The following GRAMD1C variants were observed in gnomAD, a reference collection of about 807,000 sequenced individuals.
The protein encoded by GRAMD1C is GRAM domain containing 1C, also known as protein Aster-C.
GRAMD1C carries 89 observed loss-of-function variants against 97.8 expected under a neutral mutation model. The observed-to-expected ratio is 0.91, with a 90% confidence interval of 0.77 to 1.09. GRAMD1C has a LOEUF of 1.09. GRAMD1C is among the 50% of genes least tolerant of loss of function. The pLI is 0.00. For synonymous variants in GRAMD1C, 256 were observed against 267.0 expected, an observed-to-expected ratio of 0.96 and a Z score of 0.40; for missense variants, 740 against 766.4, an observed-to-expected ratio of 0.97 and a Z score of 0.41.
At chr3:113,848,243 C>G (rs986614735) in intron 2 of GRAMD1C, among the ~76,000 whole-genome samples, 9 of 152,292 alleles carry the variant, frequency 5.9e-5, no homozygotes, top group Admixed American at 5.2e-4. Flanking sequence ...GTTGCATAAC[C>G]TGTCTCACCT....
At chr3:113,885,160 C>G (rs1490678311) in intron 6 of GRAMD1C, 3 of 607,456 alleles carry the variant, frequency 4.9e-6, no homozygotes, top group Non-Finnish European at 8.7e-6. Context: ...CTGAGCCGCC[C>G]GCTCCGTGCC....
rs1226795971 is a variant in GRAMD1C, at chr3:113,875,568, T to A, written c.344T>A (p.Ile115Asn). The change falls in exon 4 of 18, where the codon ATC (isoleucine) becomes AAC (asparagine). Residue 115 changes from isoleucine to asparagine, a missense_variant. Ile to Asn is a moderately radical substitution (Grantham distance 149, BLOSUM62 -3). Transcript: ENST00000358160. ...AACTGGCTATGTTTCTATAGCAACA[T>A]CTTCAGATGGGAAACTACAGTAAGA... ...SENWLCFYSN[I>N]FRWETTISIA... 6.9e-7 allele frequency: 1 copy of A among 1,455,184 alleles called. No homozygotes were observed. Among genetic ancestry groups the A allele is most frequent in the Non-Finnish European group, 9.7e-7 (1 of 1,033,956 alleles). The allele number at this position is 1,455,184 out of a possible 1,614,324, so 90.1% of individuals were successfully genotyped here.
chr3:113,932,396 G>A (rs879511638), intron 11 of GRAMD1C, among the ~76,000 whole-genome samples: 4 of 152,168 alleles, frequency 2.6e-5, no homozygotes, highest in Non-Finnish European at 4.4e-5. Flanking sequence ...GGTAGAAAAG[G>A]TATGGTTAAA....
intron 10 of GRAMD1C, chr3:113,920,187 A>G: frequency 7.4e-7 from 1 of 1,351,852 alleles, no homozygotes; most frequent in Non-Finnish European, 1.0e-6. Context: ...TCTGCTCAAC[A>G]GCCTGAAATG....
At chr3:113,906,347 G>C (rs576462506) in intron 8 of GRAMD1C, among the ~76,000 whole-genome samples, 1 of 152,052 alleles carries the variant, frequency 6.6e-6, no homozygotes, top group Non-Finnish European at 1.5e-5. Context: ...CCTTCTAGTC[G>C]TACAAAATGT....
intron 6 of GRAMD1C, chr3:113,890,550 T>G: frequency 1.9e-6 from 1 of 522,672 alleles, no homozygotes; most frequent in Non-Finnish European, 3.4e-6. Flanking sequence ...GTCATTACCG[T>G]GGGGTGCTCT....
chr3:113,890,124 C>T (rs1935659718), intron 6 of GRAMD1C, among the ~76,000 whole-genome samples: 1 of 152,146 alleles, frequency 6.6e-6, no homozygotes, highest in African/African-American at 2.4e-5. Context: ...AATGCTTTCA[C>T]TTTACTGGAG....
rs1938038836 is a variant in GRAMD1C, at chr3:113,945,686, T to C, written c.*208T>C. The C allele has an allele frequency of 1.0e-5, 5 of 493,980 alleles. No individual in the cohort carries two copies. Among genetic ancestry groups the C allele is most frequent in the South Asian group, 8.3e-5 (3 of 36,354 alleles). The allele number at this position is 493,980 out of a possible 1,614,324, so 30.6% of individuals were successfully genotyped here. A position where few individuals can be genotyped will look rare whatever the true frequency, so the allele number is the denominator to read the frequency against. On this transcript the variant is annotated 3_prime_UTR_variant, in exon 18 of 18. Transcript: ENST00000358160. Reference sequence around the variant, plus strand: ...TCCATCCTTTCACTTCTTATAGATATTTTTAAGCTGTGAATTTCTTCAGTG... The same window carrying C: ...TCCATCCTTTCACTTCTTATAGATACTTTTAAGCTGTGAATTTCTTCAGTG...
At chr3:113,880,545 GTTTC>G (rs1935216679) in intron 5 of GRAMD1C, among the ~76,000 whole-genome samples, 1 of 151,986 alleles carries the variant, frequency 6.6e-6, no homozygotes, top group African/African-American at 2.4e-5. Flanking sequence ...TTTACAGTTA[GTTTC>G]TTTCTAATAT....
At chr3:113,856,042 C>G (rs573425409) in intron 2 of GRAMD1C, among the ~76,000 whole-genome samples, 1 of 152,046 alleles carries the variant, frequency 6.6e-6, no homozygotes, top group Non-Finnish European at 1.5e-5. Context: ...GCACGTGCCA[C>G]CAGCTAAGCT....
chr3:113,837,425 T>C (rs1263070499), upstream of GRAMD1C, among the ~76,000 whole-genome samples: 1 of 152,136 alleles, frequency 6.6e-6, no homozygotes, highest in Non-Finnish European at 1.5e-5. Context: ...TCCAAGGTGG[T>C]TGGGGTACAG....
At chr3:113,908,213 T>A (rs1466678725) in intron 8 of GRAMD1C, among the ~76,000 whole-genome samples, 1 of 152,212 alleles carries the variant, frequency 6.6e-6, no homozygotes, top group African/African-American at 2.4e-5. Flanking sequence ...TTATATAGAC[T>A]TTTTGTACTA....
rs1937678511 is a variant in GRAMD1C at position 113,939,766 on chromosome 3, AAC to A, written c.1692-118_1692-117del. On this transcript the variant is annotated intron_variant, in intron 15 of 17. Coordinates refer to ENST00000358160, the MANE Select transcript of GRAMD1C (RefSeq NM_017577.5). The stretch of plus-strand genomic sequence containing the variant: ...AATAGGGATAATTGATTTAAATAAT[AAC>A]AACAATGAAAAACAGTGTAGACAAT... 8 of 574,936 alleles carry A rather than the reference AAC, an allele frequency of 1.4e-5. No individual in the cohort carries two copies. In the South Asian group the frequency reaches 1.7e-4, roughly 12 times the overall value. 35.6% of individuals were successfully genotyped at this position (574,936 alleles called of 1,614,324 possible). A position where few individuals can be genotyped will look rare whatever the true frequency, so the allele number is the denominator to read the frequency against.
Position 113,946,003 on chromosome 3 carries a change from A to T in GRAMD1C, c.*525A>T, listed in dbSNP as rs192277024. ...ATTATAATGTCTTCATTTATTTAGC[A>T]TGCAAATTTAATAGTCAAACTTTTT... is the stretch of plus-strand genomic sequence containing the variant. On this transcript the variant is annotated 3_prime_UTR_variant, in exon 18 of 18. Coordinates refer to ENST00000358160, the MANE Select transcript of GRAMD1C (RefSeq NM_017577.5). The T allele has an allele frequency of 9.1e-3, 1,389 of 152,424 alleles. 22 individuals are homozygous for T. Among genetic ancestry groups the T allele is most frequent in the South Asian group, 0.018 (86 of 4,832 alleles). The allele number at this position is 152,424 out of a possible 1,614,324, so 9.4% of individuals were successfully genotyped here. A position where few individuals can be genotyped will look rare whatever the true frequency, so the allele number is the denominator to read the frequency against.
chr3:113,843,060 T>G (rs1476707132), intron 1 of GRAMD1C, among the ~76,000 whole-genome samples: 3 of 142,272 alleles, frequency 2.1e-5, no homozygotes, highest in East Asian at 2.0e-4. Flanking sequence ...TTTTTTTTTT[T>G]TTTTTTTTTT....
chr3:113,885,600 C>A, intron 6 of GRAMD1C: 1 of 1,531,062 alleles, frequency 6.5e-7, no homozygotes, highest in Admixed American at 1.7e-5. Flanking sequence ...AATAGACAAA[C>A]ATTCTGTCCG....
intron 11 of GRAMD1C, among the ~76,000 whole-genome samples, chr3:113,931,757 T>G (rs1937437681): frequency 6.6e-6 from 1 of 151,990 alleles, no homozygotes; most frequent in African/African-American, 2.4e-5. Context: ...AGTGACACTT[T>G]GTCTTTACCA....
At chr3:113,848,134 C>A (rs1039910658) in intron 2 of GRAMD1C, among the ~76,000 whole-genome samples, 1 of 152,208 alleles carries the variant, frequency 6.6e-6, no homozygotes, top group African/African-American at 2.4e-5. Flanking sequence ...TAGAGGGCAG[C>A]ATGATATAAT....
At chr3:113,934,384 C>A (rs542064468) in intron 12 of GRAMD1C, 48 bp from the exon 13 acceptor site, 1 of 867,078 alleles carries the variant, frequency 1.2e-6, no homozygotes, top group Admixed American at 2.2e-5. Context: ...ATGAATATAA[C>A]TAAAGTCTGC....
Sources: allele counts gnomAD v4.1 joint callset (sites outside exome capture counted in the v4.1 genomes callset), GRCh38; gene constraint gnomAD v4.1.1; transcripts MANE v1.5; gene names NCBI Gene and HGNC (gene_info 2026-07-23, HGNC 2026-07-21).